The following PLCB1 variants were observed in gnomAD, a reference collection of about 807,000 sequenced individuals.
PLCB1 encodes the protein 1-phosphatidylinositol 4,5-bisphosphate phosphodiesterase beta-1.
Under a neutral mutation model 161.8 loss-of-function variants are expected in PLCB1, and 46 were observed. The observed-to-expected ratio is 0.28, with a 90% CI of 0.22 to 0.36. The LOEUF (loss-of-function observed/expected upper bound fraction) is 0.36, where lower values mean the gene tolerates loss of function less well. Ranked by LOEUF, PLCB1 falls within the 10% of genes least tolerant of loss-of-function variation. The probability of loss-of-function intolerance (pLI) is 1.00; values close to 1 mark genes in which losing one functional copy is unlikely to be tolerated. For missense variants in PLCB1, 1,016 were observed against 1,472.5 expected (o/e 0.69, Z 5.07); for synonymous variants, 517 against 503.7 (o/e 1.03, Z -0.35).
At chr20:8,707,521 G>A (rs1978754272) in intron 11 of PLCB1, among the ~76,000 whole-genome samples, 1 of 152,144 alleles carries the variant, frequency 6.6e-6, no homozygotes, top group Non-Finnish European at 1.5e-5. Context: ...GCCCAAAACT[G>A]GTGAATATGC....
At chr20:8,822,985 G>A (rs548920202) in intron 31 of PLCB1, among the ~76,000 whole-genome samples, 5 of 152,224 alleles carry the variant, frequency 3.3e-5, no homozygotes, top group South Asian at 2.1e-4. Context: ...TGTCCTTGTC[G>A]TTATTCCCTA....
intron 2 of PLCB1, among the ~76,000 whole-genome samples, chr20:8,283,977 T>G (rs146276133): frequency 6.6e-6 from 1 of 152,166 alleles, no homozygotes; most frequent in African/African-American, 2.4e-5. Flanking sequence ...TGGTGAAATA[T>G]TTTCCCAGGT....
At chr20:8,522,879 AGTTGGT>A (rs1323437202) in intron 3 of PLCB1, among the ~76,000 whole-genome samples, 1 of 146,896 alleles carries the variant, frequency 6.8e-6, no homozygotes, top group Non-Finnish European at 1.5e-5. Flanking sequence ...GAGGCAAGAA[AGTTGGT>A]GGGGTGGGAT....
intron 4 of PLCB1, among the ~76,000 whole-genome samples, chr20:8,639,905 A>T (rs6055964): frequency 6.6e-6 from 1 of 152,120 alleles, no homozygotes; most frequent in South Asian, 2.1e-4. Context: ...AAAAAAAAAA[A>T]AACTGTGTTT....
At chr20:8,216,643 G>A (rs903408446) in intron 2 of PLCB1, among the ~76,000 whole-genome samples, 5 of 152,080 alleles carry the variant, frequency 3.3e-5, no homozygotes, top group African/African-American at 4.8e-5. Flanking sequence ...TTCCTGGGAA[G>A]TAGAAGATCC....
chr20:8,710,517 T>G (rs1978947684), intron 12 of PLCB1, among the ~76,000 whole-genome samples: 1 of 143,042 alleles, frequency 7.0e-6, no homozygotes, highest in Non-Finnish European at 1.5e-5. Flanking sequence ...TTTTTTTTTT[T>G]TTTTTTTTTT....
chr20:8,662,319 T>C (rs909539702), intron 9 of PLCB1, among the ~76,000 whole-genome samples: 3 of 109,704 alleles, frequency 2.7e-5, no homozygotes, highest in Non-Finnish European at 1.7e-5. Context: ...TTATGTATAA[T>C]ATGTAATTAT....
At chr20:8,462,184 T>A (rs1029645391) in intron 3 of PLCB1, among the ~76,000 whole-genome samples, 5 of 152,168 alleles carry the variant, frequency 3.3e-5, no homozygotes, top group Non-Finnish European at 7.3e-5. Flanking sequence ...AGGGGTAACA[T>A]TTCGCAAGTG....
chr20:8,785,050 AAG>A (rs1306549446), intron 27 of PLCB1, among the ~76,000 whole-genome samples: 1 of 152,198 alleles, frequency 6.6e-6, no homozygotes, highest in Non-Finnish European at 1.5e-5. Flanking sequence ...GAGCAATAAT[AAG>A]ATATTTACAT....
chr20:8,710,419 A>G (rs560500433), intron 12 of PLCB1, among the ~76,000 whole-genome samples: 1 of 147,150 alleles, frequency 6.8e-6, no homozygotes, highest in African/African-American at 2.5e-5. Context: ...TTGACATGAG[A>G]TTTGGGCAGG....
At chr20:8,735,254 TC>T (rs1247779967) in intron 19 of PLCB1, among the ~76,000 whole-genome samples, 1 of 152,230 alleles carries the variant, frequency 6.6e-6, no homozygotes, top group Non-Finnish European at 1.5e-5. Flanking sequence ...TTTGCTTATT[TC>T]TTTTTTTGTC....
chr20:8,515,585 C>G (rs1984075436), intron 3 of PLCB1, among the ~76,000 whole-genome samples: 1 of 152,200 alleles, frequency 6.6e-6, no homozygotes, highest in South Asian at 2.1e-4. Context: ...TTCCCAATCT[C>G]TACTTCCCAC....
At chr20:8,855,739 A>G (rs1450155608) in intron 31 of PLCB1, among the ~76,000 whole-genome samples, 1 of 152,168 alleles carries the variant, frequency 6.6e-6, no homozygotes. Flanking sequence ...ATAAGGGGGG[A>G]AAACTACCTT....
At chr20:8,518,474 ATT>A (rs1984225754) in intron 3 of PLCB1, among the ~76,000 whole-genome samples, 1 of 152,142 alleles carries the variant, frequency 6.6e-6, no homozygotes, top group African/African-American at 2.4e-5. Context: ...CTGAGTATTC[ATT>A]TCTACTCTTT....
chr20:8,507,832 G>T (rs1983703667), intron 3 of PLCB1, among the ~76,000 whole-genome samples: 2 of 152,014 alleles, frequency 1.3e-5, no homozygotes, highest in African/African-American at 4.8e-5. Context: ...TACAAAAAAT[G>T]GAATAAGAAA....
intron 3 of PLCB1, among the ~76,000 whole-genome samples, chr20:8,412,972 C>A (rs1470622853): frequency 7.5e-5 from 11 of 147,296 alleles, no homozygotes; most frequent in Non-Finnish European, 9.0e-5. Flanking sequence ...AAAAAAAAAA[C>A]CAATATACAT....
chr20:8,392,131 T>A (rs1169136833), intron 3 of PLCB1, among the ~76,000 whole-genome samples: 1 of 152,012 alleles, frequency 6.6e-6, no homozygotes, highest in Non-Finnish European at 1.5e-5. Context: ...TGCAATAGTA[T>A]TTAAAGTTGT....
intron 3 of PLCB1, among the ~76,000 whole-genome samples, chr20:8,437,906 A>G (rs779454799): frequency 2.0e-5 from 3 of 152,192 alleles, no homozygotes; most frequent in Non-Finnish European, 2.9e-5. Flanking sequence ...GTAGAGGGAA[A>G]TAAATTGCCA....
chr20:8,228,056 G>A (rs1309533464), intron 2 of PLCB1, among the ~76,000 whole-genome samples: 1 of 152,116 alleles, frequency 6.6e-6, no homozygotes, highest in Non-Finnish European at 1.5e-5. Flanking sequence ...GAATTCTGGA[G>A]GGTAAGGCAG....
Sources: allele counts gnomAD v4.1 joint callset (sites outside exome capture counted in the v4.1 genomes callset), GRCh38; gene constraint gnomAD v4.1.1; transcripts MANE v1.5; gene names NCBI Gene and HGNC (gene_info 2026-07-23, HGNC 2026-07-21).